Variants in OXSR1 observed in about 807,000 individuals in gnomAD.
OXSR1 encodes the protein oxidative stress responsive kinase 1.
OXSR1 carries 24 observed loss-of-function variants against 79.8 expected under a neutral mutation model. That is an observed-to-expected ratio of 0.30 (90% confidence interval 0.22 to 0.42). The LOEUF is 0.42. Among genes scored for constraint, OXSR1 ranks in the 10% least tolerant of loss-of-function variants. OXSR1 has a pLI of 1.00. For synonymous variants in OXSR1, 226 were observed against 209.2 expected, an observed-to-expected ratio of 1.08 and a Z score of -0.69; for missense variants, 430 against 618.4, an observed-to-expected ratio of 0.70 and a Z score of 3.23.
At chr3:38,172,444 A>G (rs1701600017) in intron 1 of OXSR1, among the ~76,000 whole-genome samples, 1 of 152,200 alleles carries the variant, frequency 6.6e-6, no homozygotes, top group South Asian at 2.1e-4. Context: ...TTTACTATTT[A>G]CCTCAGACTA....
intron 1 of OXSR1, among the ~76,000 whole-genome samples, chr3:38,181,729 A>G (rs1197107573): frequency 1.3e-5 from 2 of 151,764 alleles, no homozygotes; most frequent in South Asian, 2.1e-4. Flanking sequence ...TAATTCCAAC[A>G]TCTGATTTAT....
Position 38,254,718 on chromosome 3 carries a change from GT to G in OXSR1, c.*1839del, listed in dbSNP as rs557569901. The stretch of plus-strand genomic sequence containing the variant: ...GGCTTACCGCTTACCTTAGAGTTTT[GT>G]TTTTTTTTTTTCAAACCCATCAAAA... On this transcript the variant is annotated 3_prime_UTR_variant, in exon 18 of 18. Coordinates refer to ENST00000311806, the MANE Select transcript of OXSR1 (RefSeq NM_005109.3). 0.011 allele frequency: 1,528 copies of G among 143,638 alleles called. 30 individuals carry two copies. Among genetic ancestry groups the G allele is most frequent in the African/African-American group, 0.036 (1,398 of 39,360 alleles). The allele number at this position is 143,638 out of a possible 1,614,324, so 8.9% of individuals were successfully genotyped here.
intron 3 of OXSR1, among the ~76,000 whole-genome samples, chr3:38,191,770 T>C (rs778278029): frequency 1.4e-5 from 2 of 139,126 alleles, no homozygotes; most frequent in Non-Finnish European, 3.1e-5. Flanking sequence ...ACTTTGTAAG[T>C]ATCCAGTTCT....
chr3:38,170,250 T>C (rs1356198643), intron 1 of OXSR1, among the ~76,000 whole-genome samples: 1 of 152,052 alleles, frequency 6.6e-6, no homozygotes, highest in Non-Finnish European at 1.5e-5. Flanking sequence ...TTCACCATGT[T>C]GGCCAGGCTG....
At chr3:38,232,267 T>C (rs1202012330) in intron 10 of OXSR1, among the ~76,000 whole-genome samples, 1 of 151,048 alleles carries the variant, frequency 6.6e-6, no homozygotes, top group Non-Finnish European at 1.5e-5. Flanking sequence ...AAAAAGAATT[T>C]AAAAATTAAT....
chr3:38,219,631 C>T (rs1014811352), intron 5 of OXSR1, among the ~76,000 whole-genome samples: 7 of 152,166 alleles, frequency 4.6e-5, no homozygotes, highest in Admixed American at 2.6e-4. Context: ...TGCCCAAGTT[C>T]AGCTGACTAG....
rs34791828 is a variant in OXSR1 at position 38,252,058 on chromosome 3, A to G, written c.1445-270A>G. Among the ~76,000 whole-genome samples the G allele has an allele frequency of 5.0e-3, 766 of 152,342 alleles. 4 individuals carry two copies. The highest frequency in any genetic ancestry group is 0.024 in the Middle Eastern group (7 of 292). On this transcript the variant is annotated intron_variant, in intron 16 of 17. Transcript: ENST00000311806. ...TCTGGCCTTGGGCTTTCTGATCCATAAATCAGGAAATCATACCTCTTTTAC... is the reference window on the plus strand; with the variant it reads ...TCTGGCCTTGGGCTTTCTGATCCATGAATCAGGAAATCATACCTCTTTTAC...
chr3:38,179,438 A>G (rs189284922), intron 1 of OXSR1, among the ~76,000 whole-genome samples: 1 of 152,146 alleles, frequency 6.6e-6, no homozygotes, highest in Non-Finnish European at 1.5e-5. Context: ...AAGTGTTAGG[A>G]CTACAGGCGT....
intron 3 of OXSR1, among the ~76,000 whole-genome samples, chr3:38,191,932 C>T (rs965792451): frequency 6.6e-6 from 1 of 152,124 alleles, no homozygotes; most frequent in African/African-American, 2.4e-5. Flanking sequence ...AAGAACTTTT[C>T]GTTATCAACT....
At position 38,246,152 on chromosome 3, in the gene OXSR1, T is replaced by C; in HGVS notation, c.1188T>C (p.Ala396=). 3 of 1,613,850 alleles carry C rather than the reference T, an allele frequency of 1.9e-6. No homozygotes were observed. The highest frequency in any genetic ancestry group is 1.7e-6 in the Non-Finnish European group (2 of 1,179,806). The change falls in exon 13 of 18, where the codon GCT becomes GCC. Residue 396 remains alanine (A), a synonymous_variant. Transcript: ENST00000311806. ...EQISAHLPQP[A]GQIATQPTQV... is the part of the protein sequence containing the mutation. ...TCTCTGCTCATCTACCTCAGCCAGC[T>C]GGGCAGATTGCTACACAGCCAACTC...
At chr3:38,182,160 TTC>T (rs1701798460) in intron 1 of OXSR1, among the ~76,000 whole-genome samples, 1 of 152,240 alleles carries the variant, frequency 6.6e-6, no homozygotes, top group Non-Finnish European at 1.5e-5. Flanking sequence ...TGCTATTTTT[TTC>T]TGTTTTATTC....
intron 10 of OXSR1, among the ~76,000 whole-genome samples, chr3:38,233,960 C>T (rs1702866102): frequency 6.6e-6 from 1 of 151,856 alleles, no homozygotes; most frequent in Non-Finnish European, 1.5e-5. Flanking sequence ...GAACATGACA[C>T]TGTTAAAGAA....
intron 10 of OXSR1, 63 bp downstream of exon 10, chr3:38,230,493 T>C (rs767707525): frequency 2.9e-6 from 3 of 1,038,092 alleles, no homozygotes; most frequent in East Asian, 2.4e-5. Flanking sequence ...TTTGAAAACA[T>C]GTTAAGTAAT....
rs1441838693 is a variant in OXSR1 at position 38,165,814 on chromosome 3, C to T, written c.-63C>T. ...GGCGGCTGTTGGGGGTGGGGAGACG[C>T]GCGGCGAGGAGACGAGCGAGGTCAG... is the stretch of plus-strand genomic sequence containing the variant. On this transcript the variant is annotated 5_prime_UTR_variant, in exon 1 of 18. Transcript: ENST00000311806. 7 of 1,416,716 alleles carry T rather than the reference C, an allele frequency of 4.9e-6. No homozygotes were observed. The highest frequency in any genetic ancestry group is 1.2e-5 in the South Asian group (1 of 82,882). The allele number at this position is 1,416,716 out of a possible 1,614,324, so 87.8% of individuals were successfully genotyped here.
At chr3:38,170,027 T>C (rs980162674) in intron 1 of OXSR1, among the ~76,000 whole-genome samples, 19 of 152,026 alleles carry the variant, frequency 1.2e-4, no homozygotes, top group Admixed American at 1.1e-3. Flanking sequence ...CCACTGCGCT[T>C]AGCCTTCTTT....
chr3:38,207,591 G>A (rs915602084), intron 4 of OXSR1, among the ~76,000 whole-genome samples: 1 of 152,186 alleles, frequency 6.6e-6, no homozygotes, highest in Non-Finnish European at 1.5e-5. Context: ...CATGTAATGG[G>A]TGGAGGCCAG....
At chr3:38,247,850 G>A in intron 14 of OXSR1, 118 bp downstream of exon 14, 1 of 610,086 alleles carries the variant, frequency 1.6e-6, no homozygotes, top group East Asian at 2.8e-5. Flanking sequence ...ATCAAGCTCT[G>A]TTTGCTTGGT....
chr3:38,165,162 C>G (rs768770593), upstream of OXSR1: 1 of 152,170 alleles, frequency 6.6e-6, no homozygotes, highest in African/African-American at 2.4e-5. Context: ...CTGACGTCTA[C>G]CCACACCCAT....
At chr3:38,169,082 TAA>T (rs1701524616) in intron 1 of OXSR1, among the ~76,000 whole-genome samples, 1 of 152,250 alleles carries the variant, frequency 6.6e-6, no homozygotes, top group Non-Finnish European at 1.5e-5. Flanking sequence ...CTAGTAATTA[TAA>T]GAGTTCTTGT....
Sources: gnomAD v4.1 joint callset for allele counts (sites outside exome capture counted in the v4.1 genomes callset) on GRCh38, gnomAD v4.1.1 for gene constraint, MANE v1.5 for transcripts, NCBI Gene and HGNC (gene_info 2026-07-23, HGNC 2026-07-21) for gene names.